PPARGC1A: variants seen among roughly 807,000 people sequenced by gnomAD.
PPARGC1A encodes the protein PPARG coactivator 1 alpha.
A neutral mutation model predicts 88.7 loss-of-function variants in PPARGC1A; 25 were observed. The observed-to-expected ratio is 0.28, with a 90% CI of 0.21 to 0.39. The LOEUF (loss-of-function observed/expected upper bound fraction) is 0.39, where lower values mean the gene tolerates loss of function less well. Ranked by LOEUF, PPARGC1A falls within the 10% of genes least tolerant of loss-of-function variation. The pLI, the probability that PPARGC1A is intolerant of heterozygous loss-of-function variation, is 1.00. For missense variants in PPARGC1A, 880 were observed against 968.7 expected (o/e 0.91, Z 1.22); for synonymous variants, 363 against 355.6 (o/e 1.02, Z -0.24).
chr4:24,039,940 C>T, the PPARGC1A span, among the ~76,000 whole-genome samples: 3 of 152,140 alleles, frequency 2.0e-5, no homozygotes, highest in Non-Finnish European at 2.9e-5. Flanking sequence ...CATTTAAATG[C>T]TATTGACACT....
At position 23,885,742 on chromosome 4, in the gene PPARGC1A, C is replaced by G. The variant is rs190559143; in HGVS notation, c.55-811G>C. On this transcript the variant is annotated intron_variant, in intron 1 of 12. Transcript: ENST00000264867. Reference sequence around the variant, plus strand: ...AAGAAAACTCACAATAGCATACCATCACTATATTTTGTTCATTATTTATGT... The same window carrying G: ...AAGAAAACTCACAATAGCATACCATGACTATATTTTGTTCATTATTTATGT... Among the ~76,000 whole-genome samples, 34 of 152,248 alleles carry G rather than the reference C, an allele frequency of 2.2e-4. No homozygotes were observed. The East Asian group carries it at 6.4e-3, about 29-fold the overall frequency.
the PPARGC1A span, among the ~76,000 whole-genome samples, chr4:24,220,935 C>A: frequency 1.3e-5 from 2 of 152,166 alleles, no homozygotes; most frequent in South Asian, 4.2e-4. Context: ...CTAGGAACTA[C>A]TAAAAGAAAT....
chr4:24,074,092 T>G, the PPARGC1A span, among the ~76,000 whole-genome samples: 2 of 151,994 alleles, frequency 1.3e-5, no homozygotes, highest in South Asian at 4.2e-4. Context: ...AAAGGGAGGA[T>G]CCCGCAAAAG....
chr4:23,814,676 G>A (rs1721625268), intron 7 of PPARGC1A, 71 bp from the exon 8 acceptor site: 2 of 1,308,766 alleles, frequency 1.5e-6, no homozygotes, highest in Non-Finnish European at 2.1e-6. Context: ...GTTCTTAAAT[G>A]CGAAGACACA....
At chr4:24,390,368 A>G in the PPARGC1A span, among the ~76,000 whole-genome samples, 3 of 152,074 alleles carry the variant, frequency 2.0e-5, no homozygotes, top group Non-Finnish European at 2.9e-5. Context: ...ATACAGAAAT[A>G]TTATTAAATA....
chr4:24,012,214 A>C, the PPARGC1A span, among the ~76,000 whole-genome samples: 1 of 152,146 alleles, frequency 6.6e-6, no homozygotes, highest in Non-Finnish European at 1.5e-5. Context: ...AACTGCTTAT[A>C]TACAAAGAGG....
chr4:24,028,101 G>T, the PPARGC1A span, among the ~76,000 whole-genome samples: 2 of 142,464 alleles, frequency 1.4e-5, no homozygotes, highest in Non-Finnish European at 3.1e-5. Context: ...ACCAGGCATT[G>T]GACCCCAAGG....
chr4:24,193,483 G>T, the PPARGC1A span, among the ~76,000 whole-genome samples: 1 of 152,112 alleles, frequency 6.6e-6, no homozygotes, highest in East Asian at 1.9e-4. Flanking sequence ...AGACCCCTGG[G>T]CAATGATCTG....
the PPARGC1A span, among the ~76,000 whole-genome samples, chr4:23,951,427 C>T: frequency 2.6e-5 from 4 of 152,098 alleles, no homozygotes; most frequent in East Asian, 1.9e-4. Context: ...AAACAACTCA[C>T]CCATGAATAG....
At chr4:24,117,934 T>G in the PPARGC1A span, among the ~76,000 whole-genome samples, 2 of 152,098 alleles carry the variant, frequency 1.3e-5, no homozygotes, top group East Asian at 3.9e-4. Flanking sequence ...TTCCCAGATC[T>G]CCACAGCACA....
chr4:24,249,813 T>C, the PPARGC1A span, among the ~76,000 whole-genome samples: 1 of 152,176 alleles, frequency 6.6e-6, no homozygotes, highest in African/African-American at 2.4e-5. Context: ...AATTTCCCCA[T>C]TGATGACAGG....
the PPARGC1A span, among the ~76,000 whole-genome samples, chr4:23,960,013 T>C: frequency 4.6e-5 from 7 of 152,140 alleles, no homozygotes; most frequent in African/African-American, 2.4e-5. Context: ...GCCAGACTAA[T>C]GAGCTAATAA....
chr4:24,116,347 T>C, the PPARGC1A span, among the ~76,000 whole-genome samples: 1 of 152,184 alleles, frequency 6.6e-6, no homozygotes, highest in Non-Finnish European at 1.5e-5. Flanking sequence ...TCAAAAGCCA[T>C]ATCAACATCT....
chr4:23,903,650 G>T (rs192171845), upstream of PPARGC1A, among the ~76,000 whole-genome samples: 1 of 151,910 alleles, frequency 6.6e-6, no homozygotes, highest in Non-Finnish European at 1.5e-5. Flanking sequence ...CAGAAAACTG[G>T]AGCAGTGGAT....
the PPARGC1A span, among the ~76,000 whole-genome samples, chr4:24,059,553 G>C: frequency 1.3e-5 from 2 of 152,184 alleles, no homozygotes; most frequent in African/African-American, 4.8e-5. Flanking sequence ...AGGAGGAACA[G>C]CCACTGTCTT....
chr4:24,149,332 A>T, the PPARGC1A span, among the ~76,000 whole-genome samples: 1 of 152,168 alleles, frequency 6.6e-6, no homozygotes, highest in Admixed American at 6.5e-5. Flanking sequence ...AACCAAAGTA[A>T]GCAGTATTAA....
At chr4:23,882,426 G>T (rs1716123061) in intron 2 of PPARGC1A, among the ~76,000 whole-genome samples, 1 of 152,054 alleles carries the variant, frequency 6.6e-6, no homozygotes, top group African/African-American at 2.4e-5. Context: ...TTTTTCATTG[G>T]AGGCTGAATC....
At chr4:24,301,881 G>GT in the PPARGC1A span, among the ~76,000 whole-genome samples, 2 of 152,012 alleles carry the variant, frequency 1.3e-5, no homozygotes, top group Non-Finnish European at 2.9e-5. Context: ...ACTGAGCACT[G>GT]TGTTATAGGT....
At chr4:24,399,439 T>G in the PPARGC1A span, among the ~76,000 whole-genome samples, 1 of 152,220 alleles carries the variant, frequency 6.6e-6, no homozygotes, top group Non-Finnish European at 1.5e-5. Flanking sequence ...TTCTGAAAAT[T>G]TCTCTGACAG....
Sources: gnomAD v4.1 joint callset for allele counts (sites outside exome capture counted in the v4.1 genomes callset) on GRCh38, gnomAD v4.1.1 for gene constraint, MANE v1.5 for transcripts, NCBI Gene and HGNC (gene_info 2026-07-23, HGNC 2026-07-21) for gene names.